Variants in NBEA observed in about 807,000 individuals in gnomAD.
NBEA encodes the protein lysosomal-trafficking regulator 2.
Under a neutral mutation model 343.4 loss-of-function variants are expected in NBEA, and 44 were observed. The ratio of observed to expected loss-of-function variants is 0.13; its 90% CI spans 0.10 to 0.16. The LOEUF (loss-of-function observed/expected upper bound fraction) is 0.16. NBEA is among the 10% of genes least tolerant of loss of function. The probability of loss-of-function intolerance (pLI) is 1.00; values close to 1 mark genes in which losing one functional copy is unlikely to be tolerated. For synonymous variants in NBEA, 1,175 were observed against 1,238.7 expected (o/e 0.95, Z 1.08); for missense variants, 2,555 against 3,631.3 (o/e 0.70, Z 7.62).
chr13:35,639,607 G>A (rs969225127), intron 49 of NBEA, among the ~76,000 whole-genome samples: 13 of 152,102 alleles, frequency 8.5e-5, no homozygotes, highest in Admixed American at 8.5e-4. Flanking sequence ...AGCCTTGTAA[G>A]TAAGAGCTAT....
At chr13:34,959,083 G>T (rs1354297609) in intron 1 of NBEA, among the ~76,000 whole-genome samples, 1 of 151,984 alleles carries the variant, frequency 6.6e-6, no homozygotes, top group Non-Finnish European at 1.5e-5. Flanking sequence ...AAATACCTTA[G>T]AAGCCAGGTC....
chr13:35,286,208 C>CA (rs1010749095), intron 34 of NBEA, among the ~76,000 whole-genome samples: 6 of 152,012 alleles, frequency 3.9e-5, no homozygotes, highest in African/African-American at 1.4e-4. Context: ...GCACATTAGA[C>CA]AATATGTTTG....
intron 1 of NBEA, among the ~76,000 whole-genome samples, chr13:35,007,373 G>A (rs2061353266): frequency 6.6e-6 from 1 of 152,036 alleles, no homozygotes; most frequent in African/African-American, 2.4e-5. Flanking sequence ...TTCTTCAACT[G>A]TATGTAATGT....
intron 36 of NBEA, among the ~76,000 whole-genome samples, chr13:35,337,239 A>G (rs1017821094): frequency 3.3e-5 from 5 of 152,108 alleles, no homozygotes; most frequent in Admixed American, 2.6e-4. Context: ...GGATTTTATA[A>G]AAAGGATTCA....
In NBEA at chr13:35,671,896, A is replaced by G. The variant is rs932808791; in HGVS notation, c.*905A>G. On this transcript the variant is annotated 3_prime_UTR_variant, in exon 59 of 59. Transcript: ENST00000379939. ...AGTAATAACTTCCCAGCACCTGGAC[A>G]TCTCTTCCAGAGTTATCCCACTGGC... 3 of 152,454 alleles carry G rather than the reference A, an allele frequency of 2.0e-5. No individual in the cohort carries two copies. Among genetic ancestry groups the G allele is most frequent in the Non-Finnish European group, 4.4e-5 (3 of 68,034 alleles). 9.4% of individuals were successfully genotyped at this position (152,454 alleles called of 1,614,324 possible).
rs571700098 is a variant in NBEA at position 35,632,736 on chromosome 13, G to A, written c.7617+4488G>A. On this transcript the variant is annotated intron_variant, in intron 49 of 58. Transcript: ENST00000379939. ...AGCCTCCCAAGTAACTGAGATTATA[G>A]ACACCCACAACCGCACCTGGCTAAT... Among the ~76,000 whole-genome samples the A allele has an allele frequency of 3.9e-4, 60 of 152,022 alleles. No homozygotes were observed. The South Asian group carries it at 0.012, about 31-fold the overall frequency.
intron 38 of NBEA, among the ~76,000 whole-genome samples, chr13:35,412,284 A>G (rs1438711076): frequency 1.3e-5 from 2 of 151,822 alleles, no homozygotes; most frequent in Non-Finnish European, 2.9e-5. Context: ...GACACAAGAC[A>G]TGTTAACTAA....
chr13:35,054,847 T>G (rs1320951281), intron 6 of NBEA, among the ~76,000 whole-genome samples: 3 of 152,010 alleles, frequency 2.0e-5, no homozygotes, highest in Non-Finnish European at 4.4e-5. Context: ...TTTCACCATG[T>G]TGGCCAGCCT....
chr13:35,616,829 C>T (rs1024322580), intron 48 of NBEA, among the ~76,000 whole-genome samples: 2 of 152,228 alleles, frequency 1.3e-5, no homozygotes, highest in African/African-American at 4.8e-5. Flanking sequence ...TTTATATATA[C>T]TTCTTACCTG....
intron 44 of NBEA, among the ~76,000 whole-genome samples, chr13:35,558,365 T>C (rs1449905118): frequency 6.6e-6 from 1 of 152,152 alleles, no homozygotes; most frequent in East Asian, 1.9e-4. Flanking sequence ...CCATTATTTA[T>C]AACTAAGAGA....
chr13:35,419,641 T>C (rs1204643017), intron 38 of NBEA, among the ~76,000 whole-genome samples: 1 of 152,054 alleles, frequency 6.6e-6, no homozygotes, highest in Admixed American at 6.6e-5. Context: ...GTTTTGTGAA[T>C]CTGTAAAACT....
intron 48 of NBEA, among the ~76,000 whole-genome samples, chr13:35,607,163 C>T (rs1471724434): frequency 6.6e-6 from 1 of 152,158 alleles, no homozygotes; most frequent in Non-Finnish European, 1.5e-5. Flanking sequence ...AGTCCTCCCA[C>T]CTCAGCCTCT....
Position 35,567,409 on chromosome 13 carries a change from T to C in NBEA, c.7035+392T>C, listed in dbSNP as rs141358138. 3.9e-3 allele frequency among the ~76,000 whole-genome samples: 589 copies of C among 152,286 alleles called. 3 individuals are homozygous for C. Among genetic ancestry groups the C allele is most frequent in the African/African-American group, 0.013 (542 of 41,550 alleles). On this transcript the variant is annotated intron_variant, in intron 45 of 58. Transcript: ENST00000379939. Reference sequence around the variant, plus strand: ...CACACATTGTAGGGAAATATAATACTGAAAAGAAAGTCAGTTAATTTTACC... The same window carrying C: ...CACACATTGTAGGGAAATATAATACCGAAAAGAAAGTCAGTTAATTTTACC...
At chr13:35,043,460 C>G (rs2062728401) in intron 2 of NBEA, among the ~76,000 whole-genome samples, 1 of 151,804 alleles carries the variant, frequency 6.6e-6, no homozygotes, top group South Asian at 2.1e-4. Flanking sequence ...AAAAATACTT[C>G]ATATTATAGC....
chr13:34,966,911 A>G (rs1566100446), intron 1 of NBEA, among the ~76,000 whole-genome samples: 1 of 151,458 alleles, frequency 6.6e-6, no homozygotes, highest in Non-Finnish European at 1.5e-5. Context: ...TTGTGCCAGA[A>G]TGCAAATCAT....
At chr13:35,003,810 T>C (rs1017634689) in intron 1 of NBEA, among the ~76,000 whole-genome samples, 2 of 152,200 alleles carry the variant, frequency 1.3e-5, no homozygotes, top group African/African-American at 4.8e-5. Context: ...CCAGGATATA[T>C]GTGCTGGATG....
intron 41 of NBEA, among the ~76,000 whole-genome samples, chr13:35,502,145 C>T (rs1243802385): frequency 6.6e-6 from 1 of 152,012 alleles, no homozygotes; most frequent in Non-Finnish European, 1.5e-5. Context: ...TGAATGTGCT[C>T]TTATTGGGGA....
At chr13:35,463,488 G>T (rs1042338507) in intron 40 of NBEA, among the ~76,000 whole-genome samples, 1 of 152,002 alleles carries the variant, frequency 6.6e-6, no homozygotes, top group African/African-American at 2.4e-5. Flanking sequence ...AGCCAGGTGT[G>T]GTGGTGCGAG....
chr13:35,325,532 G>T (rs2250408), intron 36 of NBEA, among the ~76,000 whole-genome samples: 1 of 151,522 alleles, frequency 6.6e-6, no homozygotes, highest in African/African-American at 2.4e-5. Context: ...TGATACCAAC[G>T]CCAGAAAAAG....
Sources: allele counts gnomAD v4.1 joint callset (sites outside exome capture counted in the v4.1 genomes callset), GRCh38; gene constraint gnomAD v4.1.1; transcripts MANE v1.5; gene names NCBI Gene and HGNC (gene_info 2026-07-23, HGNC 2026-07-21).